FMN2: variants seen among roughly 807,000 people sequenced by gnomAD.
FMN2 encodes formin-2.
Under a neutral mutation model 142.3 loss-of-function variants are expected in FMN2, and 51 were observed. That is an observed-to-expected ratio of 0.36 (90% CI 0.29 to 0.45). FMN2 has a LOEUF of 0.45. FMN2 is among the 20% of genes least tolerant of loss of function. The pLI is 1.00. For missense variants in FMN2, 1,936 were observed against 2,122.8 expected (o/e 0.91, Z 1.73); for synonymous variants, 882 against 869.8 (o/e 1.01, Z -0.25).
At chr1:240,351,270 T>C (rs1344787758) in intron 13 of FMN2, among the ~76,000 whole-genome samples, 1 of 152,174 alleles carries the variant, frequency 6.6e-6, no homozygotes, top group Non-Finnish European at 1.5e-5. Flanking sequence ...ATTTACTCAG[T>C]ATACAGTTGG....
chr1:240,252,757 T>C (rs1442190002), intron 6 of FMN2, among the ~76,000 whole-genome samples: 2 of 151,848 alleles, frequency 1.3e-5, no homozygotes, highest in Non-Finnish European at 2.9e-5. Context: ...CCTTTTTGAA[T>C]TGTATCTATT....
intron 16 of FMN2, among the ~76,000 whole-genome samples, chr1:240,451,183 T>G (rs1676026669): frequency 6.6e-6 from 1 of 152,052 alleles, no homozygotes; most frequent in Non-Finnish European, 1.5e-5. Context: ...CTCGACAAGA[T>G]GGCGAAACCC....
At chr1:240,340,729 G>A (rs1476941681) in intron 13 of FMN2, among the ~76,000 whole-genome samples, 3 of 152,072 alleles carry the variant, frequency 2.0e-5, no homozygotes, top group African/African-American at 7.2e-5. Flanking sequence ...TTCTTTTGTA[G>A]ATAAGCTGTC....
chr1:240,227,202 G>T (rs1004499670), intron 6 of FMN2, among the ~76,000 whole-genome samples: 2 of 152,112 alleles, frequency 1.3e-5, no homozygotes, highest in African/African-American at 4.8e-5. Context: ...AACTCCCTTT[G>T]CAGTATTATT....
intron 7 of FMN2, among the ~76,000 whole-genome samples, chr1:240,269,603 G>A (rs1668928534): frequency 1.3e-5 from 2 of 151,722 alleles, no homozygotes; most frequent in Admixed American, 1.3e-4. Context: ...ATTTTGATTG[G>A]GATTACATTG....
chr1:240,116,066 TC>T (rs1662010021), intron 1 of FMN2, among the ~76,000 whole-genome samples: 1 of 152,216 alleles, frequency 6.6e-6, no homozygotes, highest in Admixed American at 6.5e-5. Flanking sequence ...CTAATGATTA[TC>T]TTTGGCATAT....
chr1:240,134,354 A>C (rs940154720), intron 2 of FMN2, among the ~76,000 whole-genome samples: 2 of 152,144 alleles, frequency 1.3e-5, no homozygotes, highest in African/African-American at 4.8e-5. Context: ...GTGGTGGCTC[A>C]CACCTGTAAT....
chr1:240,438,208 G>A lies in FMN2; in HGVS notation c.5058G>A (p.Glu1686=). Residue 1686 remains glutamate (E), a splice_region_variant and synonymous_variant, in exon 16 of 18, where the codon GAG becomes GAA. Coordinates refer to ENST00000319653, the MANE Select transcript of FMN2 (RefSeq NM_020066.5). ...AAGAGAACAAACTTCTTCTACAAGA[G>A]AGGTAGGTATTTTCATTTGCACAAT... The part of the protein sequence containing the change: ...WKKENKLLLQ[E]RVKEAEEVCR... The A allele has an allele frequency of 6.2e-7, 1 of 1,612,096 alleles. No homozygotes were observed.
In FMN2 at chr1:240,142,918, G is replaced by T. The variant is rs529317565; in HGVS notation, c.1782+19573G>T. 14 of 1,605,248 alleles carry T rather than the reference G, an allele frequency of 8.7e-6. No individual in the cohort carries two copies. The Admixed American group carries it at 1.5e-4, about 17-fold the overall frequency. ...TCAAACGTAACCAGCATTCGGGGCC[G>T]CATGGCAGCCACCAGCCCATACAAT... On this transcript the variant is annotated intron_variant, in intron 2 of 17. Coordinates refer to ENST00000319653, the MANE Select transcript of FMN2 (RefSeq NM_020066.5).
chr1:240,361,919 T>C (rs139529458), intron 14 of FMN2, among the ~76,000 whole-genome samples: 1 of 152,206 alleles, frequency 6.6e-6, no homozygotes, highest in Non-Finnish European at 1.5e-5. Context: ...AGGAAGAAAA[T>C]TGGCAGATGA....
intron 15 of FMN2, among the ~76,000 whole-genome samples, chr1:240,405,564 G>A (rs986073997): frequency 6.6e-6 from 1 of 151,692 alleles, no homozygotes; most frequent in Non-Finnish European, 1.5e-5. Context: ...GTTGCGGTAA[G>A]CTGAGGTTGC....
rs144311120 is a variant in FMN2 at position 240,272,096 on chromosome 1, A to G, written c.4153+14064A>G. On this transcript the variant is annotated intron_variant, in intron 7 of 17. Coordinates refer to ENST00000319653, the MANE Select transcript of FMN2 (RefSeq NM_020066.5). ...TGAATTGAGAATCATGTATTTGTTTATTTGTTTGTTTGTTTTGGCCAACCT... is the reference window on the plus strand; with the variant it reads ...TGAATTGAGAATCATGTATTTGTTTGTTTGTTTGTTTGTTTTGGCCAACCT... Among the ~76,000 whole-genome samples the G allele has an allele frequency of 3.1e-3, 472 of 152,056 alleles. 1 individual carries two copies. Among genetic ancestry groups the G allele is most frequent in the African/African-American group, 0.011 (460 of 41,484 alleles).
At chr1:240,351,882 G>A (rs1258471986) in intron 13 of FMN2, among the ~76,000 whole-genome samples, 2 of 152,162 alleles carry the variant, frequency 1.3e-5, no homozygotes, top group Non-Finnish European at 2.9e-5. Flanking sequence ...GGGTGTGTAT[G>A]ATGTCATGGA....
At chr1:240,113,603 G>A (rs1384683280) in intron 1 of FMN2, among the ~76,000 whole-genome samples, 2 of 151,562 alleles carry the variant, frequency 1.3e-5, no homozygotes, top group African/African-American at 2.4e-5. Flanking sequence ...AAGGCTTCAG[G>A]GCAGTCCATT....
intron 15 of FMN2, among the ~76,000 whole-genome samples, chr1:240,397,375 T>G (rs1055248734): frequency 1.9e-4 from 29 of 152,276 alleles, no homozygotes; most frequent in African/African-American, 6.5e-4. Context: ...GAGACAGAAT[T>G]CTTTCATATT....
intron 6 of FMN2, among the ~76,000 whole-genome samples, chr1:240,247,689 G>A (rs1668126838): frequency 6.6e-6 from 1 of 152,154 alleles, no homozygotes; most frequent in African/African-American, 2.4e-5. Flanking sequence ...GAAGGGATGA[G>A]ATGAAACGGG....
At chr1:240,274,634 A>G (rs1469114502) in intron 7 of FMN2, among the ~76,000 whole-genome samples, 1 of 152,074 alleles carries the variant, frequency 6.6e-6, no homozygotes, top group Non-Finnish European at 1.5e-5. Flanking sequence ...TGCTGAGTGC[A>G]GAATATCAAG....
chr1:240,245,736 A>T (rs1668059120), intron 6 of FMN2, among the ~76,000 whole-genome samples: 1 of 152,204 alleles, frequency 6.6e-6, no homozygotes, highest in Non-Finnish European at 1.5e-5. Flanking sequence ...TAGGCAGGTA[A>T]GTGCCCAGGG....
At chr1:240,429,752 T>A (rs34125816) in intron 15 of FMN2, among the ~76,000 whole-genome samples, 4,627 of 152,320 alleles carry the variant, frequency 0.03, 92 homozygotes, top group Middle Eastern at 0.051. Flanking sequence ...TCTTCCTTTT[T>A]ATTGTTAAGT....
Sources: allele counts gnomAD v4.1 joint callset (sites outside exome capture counted in the v4.1 genomes callset), GRCh38; gene constraint gnomAD v4.1.1; transcripts MANE v1.5; gene names NCBI Gene and HGNC (gene_info 2026-07-23, HGNC 2026-07-21).